The following TSPAN14 variants were observed in gnomAD, a reference collection of about 807,000 sequenced individuals.
TSPAN14 encodes the protein tetraspanin-14.
In TSPAN14, 16 loss-of-function variants were observed where a neutral mutation model predicts 36.6. The observed-to-expected ratio is 0.44, with a 90% CI of 0.30 to 0.66. The LOEUF is 0.66. TSPAN14 is among the 30% of genes least tolerant of loss of function. The probability of loss-of-function intolerance (pLI) is 0.12; values close to 1 mark genes in which losing one functional copy is unlikely to be tolerated. For synonymous variants in TSPAN14, 139 were observed against 143.8 expected, an observed-to-expected ratio of 0.97 and a Z score of 0.24; for missense variants, 231 against 355.1, an observed-to-expected ratio of 0.65 and a Z score of 2.81.
chr10:80,489,257 C>T (rs761208641), exon 2 of TSPAN14: 27 of 1,585,610 alleles, frequency 1.7e-5, no homozygotes, highest in South Asian at 5.7e-5. Context: ...GATACTCTAA[C>T]GCCAAGGTCA....
chr10:80,502,246 A>G (rs1013678261), intron 2 of TSPAN14, among the ~76,000 whole-genome samples: 10 of 152,156 alleles, frequency 6.6e-5, no homozygotes, highest in African/African-American at 2.4e-4. Context: ...GGTGGGAAGG[A>G]GATGCCGTGG....
intron 7 of TSPAN14, among the ~76,000 whole-genome samples, chr10:80,514,362 A>T (rs1444834472): frequency 6.6e-6 from 1 of 152,188 alleles, no homozygotes; most frequent in East Asian, 1.9e-4. Flanking sequence ...CTGCATTTTT[A>T]GGAGGCTCCT....
chr10:80,497,305 C>G (rs1016879635), intron 2 of TSPAN14, among the ~76,000 whole-genome samples: 3 of 152,196 alleles, frequency 2.0e-5, no homozygotes, highest in African/African-American at 4.8e-5. Flanking sequence ...TCTTTCCTCT[C>G]CAGGTCCAGA....
At chr10:80,507,397 G>A (rs1283692764) in intron 4 of TSPAN14, 23 bp downstream of exon 4, 6 of 1,614,162 alleles carry the variant, frequency 3.7e-6, no homozygotes, top group Non-Finnish European at 5.1e-6. Flanking sequence ...AGAGACAAGA[G>A]TGGGATAGGA....
intron 1 of TSPAN14, among the ~76,000 whole-genome samples, chr10:80,469,456 C>A (rs532298885): frequency 2.0e-5 from 3 of 152,146 alleles, no homozygotes; most frequent in Admixed American, 6.5e-5. Context: ...CTGCACATCC[C>A]CTGCATTCTG....
intron 6 of TSPAN14, among the ~76,000 whole-genome samples, 166 bp downstream of exon 6, chr10:80,512,435 T>C (rs1322136160): frequency 6.6e-6 from 1 of 152,212 alleles, no homozygotes; most frequent in Non-Finnish European, 1.5e-5. Flanking sequence ...AAATCCGATA[T>C]GTGTACATTC....
chr10:80,498,758 T>A (rs1319766078), intron 2 of TSPAN14, among the ~76,000 whole-genome samples: 2 of 152,202 alleles, frequency 1.3e-5, no homozygotes, highest in African/African-American at 4.8e-5. Flanking sequence ...GGAGTAAGCA[T>A]GTCACGTAGG....
chr10:80,513,969 C>G, intron 6 of TSPAN14, 50 bp from the exon 7 acceptor site: 1 of 1,573,230 alleles, frequency 6.4e-7, no homozygotes, highest in Non-Finnish European at 8.7e-7. Context: ...CCTCTTAGCA[C>G]CAGCTTCTTG....
At chr10:80,502,134 C>T (rs538247028) in intron 2 of TSPAN14, among the ~76,000 whole-genome samples, 58 of 152,252 alleles carry the variant, frequency 3.8e-4, no homozygotes, top group African/African-American at 1.2e-3. Context: ...AGAGCATTGC[C>T]GGCTGAGGGA....
At chr10:80,512,312 G>T in intron 6 of TSPAN14, 43 bp downstream of exon 6, 1 of 1,608,334 alleles carries the variant, frequency 6.2e-7, no homozygotes, top group South Asian at 1.1e-5. Context: ...CGCCCTTCCT[G>T]AAGCCCAGAA....
intron 1 of TSPAN14, among the ~76,000 whole-genome samples, chr10:80,461,927 T>C (rs1489400444): frequency 1.2e-4 from 18 of 148,174 alleles, no homozygotes; most frequent in Admixed American, 1.1e-3. Context: ...TTTTTTTTTT[T>C]CCTTCAGACA....
chr10:80,476,625 C>T (rs146424348), intron 1 of TSPAN14, among the ~76,000 whole-genome samples: 2,352 of 152,044 alleles, frequency 0.015, 81 homozygotes, highest in East Asian at 0.08. Flanking sequence ...CCATGTTAGC[C>T]AAGATGGTCT....
chr10:80,462,032 G>T (rs528779042), intron 1 of TSPAN14, among the ~76,000 whole-genome samples: 1 of 152,008 alleles, frequency 6.6e-6, no homozygotes, highest in South Asian at 2.1e-4. Context: ...TCCCGCCTCA[G>T]CCTCCTGAGT....
intron 6 of TSPAN14, among the ~76,000 whole-genome samples, chr10:80,513,165 C>T (rs562940910): frequency 1.3e-5 from 2 of 152,310 alleles, no homozygotes; most frequent in African/African-American, 2.4e-5. Context: ...TCCCAAAGTG[C>T]TGGGATTACA....
intron 1 of TSPAN14, among the ~76,000 whole-genome samples, chr10:80,480,326 C>T (rs1589256660): frequency 6.6e-6 from 1 of 152,150 alleles, no homozygotes; most frequent in African/African-American, 2.4e-5. Context: ...ACTTCCAACA[C>T]TATGTTGAAC....
intron 1 of TSPAN14, among the ~76,000 whole-genome samples, chr10:80,479,918 C>A (rs1412912349): frequency 5.5e-4 from 82 of 147,946 alleles, no homozygotes; most frequent in Non-Finnish European, 1.5e-5. Context: ...ATTCTTCCTA[C>A]CCATGAGCAT....
intron 1 of TSPAN14, among the ~76,000 whole-genome samples, chr10:80,459,137 C>G (rs956933629): frequency 2.6e-5 from 4 of 152,260 alleles, no homozygotes; most frequent in Non-Finnish European, 5.9e-5. Flanking sequence ...TGTGAGACAG[C>G]TGCCATCTCT....
At chr10:80,488,474 C>T (rs1395333750) in intron 1 of TSPAN14, among the ~76,000 whole-genome samples, 2 of 151,928 alleles carry the variant, frequency 1.3e-5, no homozygotes, top group Non-Finnish European at 2.9e-5. Flanking sequence ...GTAATCCAAG[C>T]TTCATTACAG....
At chr10:80,481,752 A>G (rs1405384715) in intron 1 of TSPAN14, among the ~76,000 whole-genome samples, 3 of 152,164 alleles carry the variant, frequency 2.0e-5, no homozygotes, top group Non-Finnish European at 2.9e-5. Flanking sequence ...CTGCCTCCCA[A>G]TTAACTGGGA....
Sources: allele counts gnomAD v4.1 joint callset (sites outside exome capture counted in the v4.1 genomes callset), GRCh38; gene constraint gnomAD v4.1.1; transcripts MANE v1.5; gene names NCBI Gene and HGNC (gene_info 2026-07-23, HGNC 2026-07-21).